ZNF521: variants seen among roughly 807,000 people sequenced by gnomAD.
ZNF521 encodes the protein zinc finger protein 521, also known as LYST-interacting protein 3.
A neutral mutation model predicts 105.5 loss-of-function variants in ZNF521; 14 were observed. The ratio of observed to expected loss-of-function variants is 0.13; its 90% CI spans 0.09 to 0.21. The LOEUF (loss-of-function observed/expected upper bound fraction) is 0.21, where lower values mean the gene tolerates loss of function less well. Among genes scored for constraint, ZNF521 ranks in the 10% least tolerant of loss-of-function variants. ZNF521 has a pLI of 1.00. For missense variants in ZNF521, 1,233 were observed against 1,629.7 expected, an observed-to-expected ratio of 0.76 and a Z score of 4.19; for synonymous variants, 635 against 606.0, an observed-to-expected ratio of 1.05 and a Z score of -0.70.
chr18:25,065,990 G>C (rs936769533), intron 7 of ZNF521, among the ~76,000 whole-genome samples: 8 of 152,220 alleles, frequency 5.3e-5, no homozygotes, highest in African/African-American at 1.7e-4. Context: ...TCACTTGTGA[G>C]AAGGGCAAGG....
chr18:25,220,299 G>A (rs939075803), intron 4 of ZNF521, among the ~76,000 whole-genome samples: 1 of 152,190 alleles, frequency 6.6e-6, no homozygotes, highest in Non-Finnish European at 1.5e-5. Flanking sequence ...TAGGCCAGAA[G>A]AGCCCTTGGA....
At chr18:25,147,183 C>T (rs1328718167) in intron 5 of ZNF521, among the ~76,000 whole-genome samples, 3 of 151,712 alleles carry the variant, frequency 2.0e-5, no homozygotes, top group Admixed American at 1.3e-4. Context: ...CAAATGCCAA[C>T]AATAAGATGA....
chr18:25,140,244 C>T (rs1474457740), intron 5 of ZNF521, among the ~76,000 whole-genome samples: 1 of 152,140 alleles, frequency 6.6e-6, no homozygotes, highest in East Asian at 1.9e-4. Context: ...TCTTATTCCA[C>T]TCAGATACTT....
intron 3 of ZNF521, among the ~76,000 whole-genome samples, chr18:25,239,325 C>T (rs889119276): frequency 1.3e-5 from 2 of 152,158 alleles, no homozygotes; most frequent in African/African-American, 2.4e-5. Context: ...GTTCCAAGTA[C>T]ATAAAGCCTG....
chr18:25,184,431 T>C (rs991526481), intron 5 of ZNF521, among the ~76,000 whole-genome samples: 7 of 152,274 alleles, frequency 4.6e-5, no homozygotes, highest in Admixed American at 1.3e-4. Flanking sequence ...TTATCTGTCC[T>C]CCCAGTTCTC....
chr18:25,169,351 A>G (rs987568700), intron 5 of ZNF521, among the ~76,000 whole-genome samples: 1 of 152,178 alleles, frequency 6.6e-6, no homozygotes, highest in African/African-American at 2.4e-5. Flanking sequence ...CTTGCTAGAT[A>G]AAACAGCTGA....
chr18:25,120,152 T>A (rs1296873018), intron 5 of ZNF521, among the ~76,000 whole-genome samples: 1 of 152,168 alleles, frequency 6.6e-6, no homozygotes, highest in African/African-American at 2.4e-5. Context: ...TAGACACAAT[T>A]CCAGATCAGA....
At chr18:25,251,013 G>A (rs765411635) in intron 3 of ZNF521, among the ~76,000 whole-genome samples, 27 of 152,074 alleles carry the variant, frequency 1.8e-4, no homozygotes, top group Non-Finnish European at 3.1e-4. Flanking sequence ...AAATAACTGA[G>A]GTTTGTCTTT....
intron 5 of ZNF521, among the ~76,000 whole-genome samples, chr18:25,117,006 TACAC>T (rs1176125843): frequency 2.3e-4 from 26 of 114,686 alleles, no homozygotes; most frequent in African/African-American, 7.8e-4. Flanking sequence ...TATATATACA[TACAC>T]ACACACACAT....
chr18:25,275,299 TA>T, intron 3 of ZNF521, among the ~76,000 whole-genome samples: 2 of 152,260 alleles, frequency 1.3e-5, no homozygotes, highest in African/African-American at 4.8e-5. Context: ...AAAATTTTTT[TA>T]AAAAATAGGA....
At chr18:25,111,748 A>AT (rs1283215691) in intron 5 of ZNF521, among the ~76,000 whole-genome samples, 1 of 152,168 alleles carries the variant, frequency 6.6e-6, no homozygotes, top group Non-Finnish European at 1.5e-5. Flanking sequence ...GAGTCTTCTC[A>AT]TTAGCACTGA....
At chr18:25,308,328 C>T (rs1912095679) in intron 3 of ZNF521, among the ~76,000 whole-genome samples, 1 of 151,986 alleles carries the variant, frequency 6.6e-6, no homozygotes, top group African/African-American at 2.4e-5. Flanking sequence ...GGAAAAGCTG[C>T]TGCCAAACTC....
At chr18:25,072,759 G>A (rs901340438) in intron 7 of ZNF521, among the ~76,000 whole-genome samples, 7 of 152,288 alleles carry the variant, frequency 4.6e-5, no homozygotes, top group Middle Eastern at 3.4e-3. Flanking sequence ...GGATTCCAGC[G>A]TACTGTGGGA....
At chr18:25,322,504 A>C (rs79050010) in intron 2 of ZNF521, among the ~76,000 whole-genome samples, 2,219 of 149,318 alleles carry the variant, frequency 0.015, 88 homozygotes, top group East Asian at 0.1. Context: ...AAAAGAGATA[A>C]ATCACTTTTA....
At chr18:25,129,395 A>G (rs902222696) in intron 5 of ZNF521, among the ~76,000 whole-genome samples, 1 of 151,748 alleles carries the variant, frequency 6.6e-6, no homozygotes, top group African/African-American at 2.4e-5. Flanking sequence ...TCTAGAAGAC[A>G]ACAGGAAAAT....
intron 3 of ZNF521, among the ~76,000 whole-genome samples, chr18:25,247,078 G>C (rs1907773758): frequency 6.6e-6 from 1 of 152,152 alleles, no homozygotes; most frequent in Admixed American, 6.5e-5. Flanking sequence ...ATTCCATAAT[G>C]ATATTCTGAT....
intron 3 of ZNF521, among the ~76,000 whole-genome samples, chr18:25,308,219 A>AAAAC (rs1912089351): frequency 7.0e-6 from 1 of 143,816 alleles, no homozygotes; most frequent in African/African-American, 2.5e-5. Flanking sequence ...AAAAAAAAAA[A>AAAAC]GCGTGGATAC....
At chr18:25,327,953 G>C (rs1325763973) in intron 2 of ZNF521, among the ~76,000 whole-genome samples, 1 of 152,138 alleles carries the variant, frequency 6.6e-6, no homozygotes, top group African/African-American at 2.4e-5. Flanking sequence ...CAACTTAGCA[G>C]GATTATGATG....
At chr18:25,262,176 CAT>C (rs1187891942) in intron 3 of ZNF521, among the ~76,000 whole-genome samples, 1 of 152,092 alleles carries the variant, frequency 6.6e-6, no homozygotes, top group Non-Finnish European at 1.5e-5. Context: ...GGGAGTCTTC[CAT>C]GGCCCTCCCA....
Sources: gnomAD v4.1 joint callset for allele counts (sites outside exome capture counted in the v4.1 genomes callset) on GRCh38, gnomAD v4.1.1 for gene constraint, MANE v1.5 for transcripts, NCBI Gene and HGNC (gene_info 2026-07-23, HGNC 2026-07-21) for gene names.